The following OCA2 variants were observed in gnomAD, a reference collection of about 807,000 sequenced individuals.
OCA2 encodes OCA2 melanosomal transmembrane protein.
Under a neutral mutation model 100.2 loss-of-function variants are expected in OCA2, and 77 were observed. The ratio of observed to expected loss-of-function variants is 0.77; its 90% CI spans 0.64 to 0.93. OCA2 has a LOEUF of 0.93. Ranked by LOEUF, OCA2 falls within the 40% of genes least tolerant of loss-of-function variation. The pLI is 0.00. For synonymous variants in OCA2, 432 were observed against 439.2 expected, an observed-to-expected ratio of 0.98 and a Z score of 0.21; for missense variants, 1,062 against 1,089.1, an observed-to-expected ratio of 0.98 and a Z score of 0.35.
intron 6 of OCA2, 62 bp from the exon 7 acceptor site, chr15:28,018,619 G>T (rs999009319): frequency 6.7e-7 from 1 of 1,488,720 alleles, no homozygotes; most frequent in Non-Finnish European, 9.2e-7. Context: ...CCCGCCGCCC[G>T]CCAGACGCAC....
At chr15:27,838,806 T>A (rs1298588328) in intron 23 of OCA2, among the ~76,000 whole-genome samples, 1 of 152,136 alleles carries the variant, frequency 6.6e-6, no homozygotes, top group Non-Finnish European at 1.5e-5. Context: ...TCTTGTCAAA[T>A]GTTAAGGATG....
the OCA2 span, among the ~76,000 whole-genome samples, chr15:27,725,457 A>G: frequency 6.6e-6 from 1 of 152,110 alleles, no homozygotes; most frequent in Non-Finnish European, 1.5e-5. Context: ...AATCCCAGCT[A>G]CTCAGGAGGC....
chr15:27,833,818 ATC>A (rs1355312133), intron 23 of OCA2, among the ~76,000 whole-genome samples: 4 of 152,014 alleles, frequency 2.6e-5, no homozygotes, highest in African/African-American at 4.8e-5. Flanking sequence ...TTCTCCGGAG[ATC>A]TCACCCCAGC....
At chr15:27,989,769 G>C (rs1221737188) in intron 10 of OCA2, 103 bp from the exon 11 acceptor site, 10 of 1,029,446 alleles carry the variant, frequency 9.7e-6, no homozygotes, top group Non-Finnish European at 1.3e-5. Context: ...CAGTGGGCGG[G>C]CCAGGGTTGG....
intron 5 of OCA2, 127 bp downstream of exon 5, chr15:28,024,718 G>A: frequency 1.0e-6 from 1 of 1,002,574 alleles, no homozygotes; most frequent in Non-Finnish European, 1.6e-6. Context: ...TCCAAAGACA[G>A]TCAGAGAATC....
intron 23 of OCA2, among the ~76,000 whole-genome samples, chr15:27,820,953 G>C (rs1195663647): frequency 6.6e-6 from 1 of 152,150 alleles, no homozygotes. Context: ...TGCCAGGTCG[G>C]GCAGCACAAG....
chr15:27,916,506 C>T lies in OCA2; in HGVS notation c.2079+9621G>A, dbSNP rs186691648. ...TGAATTTAAAGGACACTTAGCATTT[C>T]AAATCCCTATAAAACAAAAGGACAA... On this transcript the variant is annotated intron_variant, in intron 19 of 23. Coordinates refer to ENST00000354638, the MANE Select transcript of OCA2 (RefSeq NM_000275.3). Among the ~76,000 whole-genome samples, 6 of 152,302 alleles carry T rather than the reference C, an allele frequency of 3.9e-5. No homozygotes were observed. The East Asian group carries it at 1.2e-3, about 29-fold the overall frequency.
intron 21 of OCA2, among the ~76,000 whole-genome samples, chr15:27,859,370 A>T (rs897008992): frequency 6.6e-6 from 1 of 152,168 alleles, no homozygotes. Context: ...AATAAAAAGG[A>T]TTATAAAAGA....
At chr15:27,942,978 G>T (rs144148397) in intron 18 of OCA2, among the ~76,000 whole-genome samples, 1 of 151,980 alleles carries the variant, frequency 6.6e-6, no homozygotes, top group Admixed American at 6.6e-5. Context: ...TTTATTATCA[G>T]GTTAACACAA....
the OCA2 span, among the ~76,000 whole-genome samples, chr15:27,727,519 G>T: frequency 6.6e-6 from 1 of 152,178 alleles, no homozygotes; most frequent in East Asian, 1.9e-4. Context: ...GGAGATTTTA[G>T]GCTTAAAAAC....
intron 23 of OCA2, among the ~76,000 whole-genome samples, chr15:27,784,816 G>A (rs1048462245): frequency 1.3e-5 from 2 of 151,922 alleles, no homozygotes; most frequent in African/African-American, 2.4e-5. Context: ...ACAACCAGCA[G>A]AGCTTTCATG....
chr15:27,863,048 A>C (rs1017975212), intron 21 of OCA2, among the ~76,000 whole-genome samples: 2 of 152,206 alleles, frequency 1.3e-5, no homozygotes, highest in Non-Finnish European at 2.9e-5. Flanking sequence ...AAGCTGGCCG[A>C]GAAGGCACTA....
intron 18 of OCA2, among the ~76,000 whole-genome samples, chr15:27,947,127 T>G (rs562833636): frequency 6.0e-4 from 92 of 152,396 alleles, no homozygotes; most frequent in African/African-American, 2.1e-3. Flanking sequence ...CCTGTATCTT[T>G]GGGTCTTCAT....
At chr15:28,042,472 CA>C (rs972724008) in intron 2 of OCA2, among the ~76,000 whole-genome samples, 1,161 of 97,228 alleles carry the variant, frequency 0.012, 8 homozygotes, top group African/African-American at 0.036. Context: ...ACTAAAAATA[CA>C]AAAAAAAAAA....
the OCA2 span, among the ~76,000 whole-genome samples, chr15:27,743,913 T>C: frequency 1.4e-3 from 210 of 152,266 alleles, no homozygotes; most frequent in Middle Eastern, 6.8e-3. Context: ...GGCCACCACG[T>C]CATCGTTGCT....
chr15:27,729,680 G>A, the OCA2 span, among the ~76,000 whole-genome samples: 11 of 152,034 alleles, frequency 7.2e-5, no homozygotes, highest in Non-Finnish European at 1.3e-4. Context: ...TGCCTATGGC[G>A]GGAAAAAATC....
chr15:27,870,810 A>AAGAAAGAGAGAG (rs372518302), intron 21 of OCA2, among the ~76,000 whole-genome samples: 1 of 88,138 alleles, frequency 1.1e-5, no homozygotes, highest in African/African-American at 2.9e-5. Flanking sequence ...GAAAGAAAGA[A>AAGAAAGAGAGAG]AGAGAGAGAG....
At chr15:27,928,331 C>T (rs1168905158) in intron 18 of OCA2, among the ~76,000 whole-genome samples, 1 of 152,114 alleles carries the variant, frequency 6.6e-6, no homozygotes, top group Admixed American at 6.6e-5. Context: ...GATCAGTCAA[C>T]TTTTAGCCAA....
At chr15:27,762,736 C>T (rs2030941144) in intron 23 of OCA2, among the ~76,000 whole-genome samples, 1 of 152,184 alleles carries the variant, frequency 6.6e-6, no homozygotes, top group Non-Finnish European at 1.5e-5. Context: ...ACTAAATCTC[C>T]CTTATGCCCA....
Sources: allele counts gnomAD v4.1 joint callset (sites outside exome capture counted in the v4.1 genomes callset), GRCh38; gene constraint gnomAD v4.1.1; transcripts MANE v1.5; gene names NCBI Gene and HGNC (gene_info 2026-07-23, HGNC 2026-07-21).